The following DMD variants were observed in gnomAD, a reference collection of about 807,000 sequenced individuals.
DMD encodes mutant dystrophin.
DMD carries 63 observed loss-of-function variants against 330.1 expected under a neutral mutation model. That is an observed-to-expected ratio of 0.19 (90% CI 0.16 to 0.24). The LOEUF is 0.24. DMD is among the 10% of genes least tolerant of loss of function. DMD has a pLI of 1.00. For synonymous variants in DMD, 1,223 were observed against 959.8 expected (o/e 1.27, Z -5.07); for missense variants, 3,344 against 2,684.1 (o/e 1.25, Z -5.43).
intron 76 of DMD, among the ~76,000 whole-genome samples, 156 bp from the exon 77 acceptor site, chrX:31,134,350 T>G (rs772862635): frequency 1.8e-5 from 2 of 111,325 alleles, no homozygotes; most frequent in African/African-American, 3.3e-5. Context: ...AAGTAATTCT[T>G]TAAAGGGAAG....
At chrX:32,756,120 A>G (rs1419497087) in intron 7 of DMD, 4 of 112,472 alleles carry the variant, frequency 3.6e-5, no homozygotes, top group Non-Finnish European at 5.6e-5. Context: ...TAACATTTTC[A>G]TATAAGTAAC....
At chrX:31,249,954 C>A (rs1435355898) in intron 63 of DMD, among the ~76,000 whole-genome samples, 1 of 111,618 alleles carries the variant, frequency 9.0e-6, no homozygotes, top group Non-Finnish European at 1.9e-5. Flanking sequence ...CTCATCATAA[C>A]TATTTAATAC....
chrX:32,552,279 C>T (rs1340328086), intron 16 of DMD, among the ~76,000 whole-genome samples: 1 of 111,414 alleles, frequency 9.0e-6, no homozygotes, highest in Non-Finnish European at 1.9e-5. Context: ...GACACATAAA[C>T]CAATGGAAAA....
intron 43 of DMD, among the ~76,000 whole-genome samples, chrX:32,251,116 C>T (rs1383429042): frequency 9.1e-6 from 1 of 109,671 alleles, no homozygotes; most frequent in Non-Finnish European, 1.9e-5. Context: ...GTGCAGCAAA[C>T]CACCATAGCA....
rs138463365 is a variant in DMD, at chrX:32,851,771, C to T, written c.94-1951G>A. ...GGAGGGAGGGCGCAGGATTGTGAAA[C>T]GTTGCATTGGAACCCAGTGCTGCCC... On this transcript the variant is annotated intron_variant, in intron 2 of 78. Transcript: ENST00000357033. 1.2e-3 allele frequency among the ~76,000 whole-genome samples: 133 copies of T among 111,905 alleles called. 3 individuals carry two copies. In the East Asian group the frequency reaches 0.021, roughly 18 times the overall value.
chrX:33,271,636 G>C (rs987444450), intron 1 of DMD, among the ~76,000 whole-genome samples: 1 of 107,448 alleles, frequency 9.3e-6, no homozygotes, highest in African/African-American at 3.4e-5. Context: ...GTGTGTGGCG[G>C]GTGCCTGTAA....
intron 7 of DMD, chrX:32,756,356 G>A (rs963540072): frequency 8.1e-5 from 9 of 111,640 alleles, no homozygotes; most frequent in African/African-American, 2.3e-4. Context: ...CTTCTACAAT[G>A]ACAAAGTACC....
At chrX:32,332,246 G>C (rs962233331) in intron 41 of DMD, among the ~76,000 whole-genome samples, 1 of 111,138 alleles carries the variant, frequency 9.0e-6, no homozygotes, top group Non-Finnish European at 1.9e-5. Context: ...TGGGTGTTGA[G>C]GACACAGCAG....
intron 47 of DMD, among the ~76,000 whole-genome samples, chrX:31,881,653 C>T (rs2094070712): frequency 9.0e-6 from 1 of 111,590 alleles, no homozygotes; most frequent in African/African-American, 3.3e-5. Flanking sequence ...TGTCTAGATA[C>T]ACAAATATTG....
At chrX:33,312,120 T>C (rs569976352) in intron 1 of DMD, among the ~76,000 whole-genome samples, 2 of 110,850 alleles carry the variant, frequency 1.8e-5, no homozygotes, top group African/African-American at 6.6e-5. Context: ...TGGTACAATT[T>C]TTTATACACA....
chrX:31,513,743 A>G (rs2071893578), intron 55 of DMD, among the ~76,000 whole-genome samples: 1 of 111,751 alleles, frequency 8.9e-6, no homozygotes, highest in South Asian at 3.8e-4. Flanking sequence ...CAGCAAGAAC[A>G]ACAACATACA....
intron 54 of DMD, among the ~76,000 whole-genome samples, chrX:31,635,901 A>G (rs2079383676): frequency 8.9e-6 from 1 of 112,033 alleles, no homozygotes; most frequent in Admixed American, 9.5e-5. Context: ...CCACAAGGAG[A>G]TACCATCACA....
chrX:32,808,390 A>T (rs2077109240), intron 7 of DMD, among the ~76,000 whole-genome samples: 1 of 111,990 alleles, frequency 8.9e-6, no homozygotes, highest in Admixed American at 9.5e-5. Context: ...GCTGCTTGTT[A>T]TATCTCATTT....
At chrX:32,753,637 A>T (rs1400093703) in intron 7 of DMD, among the ~76,000 whole-genome samples, 1 of 111,613 alleles carries the variant, frequency 9.0e-6, no homozygotes, top group Non-Finnish European at 1.9e-5. Context: ...ATAACTAAAG[A>T]CTCTTGATGC....
chrX:31,824,064 G>A (rs2092834592), intron 49 of DMD, among the ~76,000 whole-genome samples: 1 of 111,456 alleles, frequency 9.0e-6, no homozygotes, highest in South Asian at 3.8e-4. Context: ...AAGTTAAAAA[G>A]CAAAACACAG....
chrX:31,212,293 A>C (rs2044810087), intron 64 of DMD, among the ~76,000 whole-genome samples: 1 of 109,819 alleles, frequency 9.1e-6, no homozygotes, highest in African/African-American at 3.3e-5. Context: ...TGTTTACAGT[A>C]GAGGATGCTA....
intron 9 of DMD, among the ~76,000 whole-genome samples, chrX:32,688,732 T>A (rs1469180258): frequency 8.9e-6 from 1 of 111,905 alleles, no homozygotes; most frequent in Non-Finnish European, 1.9e-5. Context: ...TACTCCTGTT[T>A]TCATCTTAAT....
chrX:33,019,914 G>C (rs752192328), intron 2 of DMD, among the ~76,000 whole-genome samples: 1 of 111,320 alleles, frequency 9.0e-6, no homozygotes, highest in African/African-American at 3.3e-5. Context: ...TTGTCAAGAA[G>C]AATCAAAGAT....
intron 59 of DMD, among the ~76,000 whole-genome samples, chrX:31,476,717 C>T (rs1195203647): frequency 9.0e-6 from 1 of 110,950 alleles, no homozygotes; most frequent in Non-Finnish European, 1.9e-5. Context: ...AGAAACCATT[C>T]ATCCATCCAT....
Sources: gnomAD v4.1 joint callset for allele counts (sites outside exome capture counted in the v4.1 genomes callset) on GRCh38, gnomAD v4.1.1 for gene constraint, MANE v1.5 for transcripts, NCBI Gene and HGNC (gene_info 2026-07-23, HGNC 2026-07-21) for gene names.